DNAJC10: variants seen among roughly 807,000 people sequenced by gnomAD.
DNAJC10 encodes DnaJ heat shock protein family (Hsp40) member C10, also known as endoplasmic reticulum disulfide reductase DNAJC10.
In DNAJC10, 101 loss-of-function variants were observed where a neutral mutation model predicts 115.0. The ratio of observed to expected loss-of-function variants is 0.88; its 90% CI spans 0.75 to 1.04. DNAJC10 has a LOEUF of 1.04. Ranked by LOEUF, DNAJC10 falls within the 50% of genes least tolerant of loss-of-function variation. DNAJC10 has a pLI of 0.00. For synonymous variants in DNAJC10, 307 were observed against 301.5 expected (o/e 1.02, Z -0.19); for missense variants, 981 against 928.8 (o/e 1.06, Z -0.73).
chr2:182,751,287 C>T lies in DNAJC10; in HGVS notation c.1307-371C>T, dbSNP rs182076046. 7.2e-3 allele frequency among the ~76,000 whole-genome samples: 1,100 copies of T among 151,822 alleles called. 5 individuals carry two copies. The highest frequency in any genetic ancestry group is 0.032 in the South Asian group (153 of 4,804). ...GTAGCTGGGACTACACACGTGGCCA[C>T]CATGCCCAGCTAATTTTTTGTATTT... is the stretch of plus-strand genomic sequence containing the variant. On this transcript the variant is annotated intron_variant, in intron 14 of 23. Transcript: ENST00000264065.
Position 182,759,293 on chromosome 2 carries a change from G to C in DNAJC10, c.2131G>C (p.Glu711Gln). ...TTGCCAGAATTTTGCTCCAGAATTT[G>C]AGCTCTTGGCTAGGGTAAGTCATAC... Reference protein sequence around the residue: ...GPCQNFAPEFELLARMIKGKV... With the variant: ...GPCQNFAPEFQLLARMIKGKV... Residue 711 changes from glutamate to glutamine, a missense_variant, in exon 21 of 24, where the codon GAG becomes CAG. Physicochemically the swap from Glu to Gln is conservative, Grantham distance 29. Coordinates refer to ENST00000264065, the MANE Select transcript of DNAJC10 (RefSeq NM_018981.4). 1 of 1,609,946 alleles carries C rather than the reference G, an allele frequency of 6.2e-7. No individual in the cohort carries two copies. Among genetic ancestry groups the C allele is most frequent in the Non-Finnish European group, 8.5e-7 (1 of 1,179,086 alleles).
At chr2:182,718,929 A>G (rs552130202) in intron 3 of DNAJC10, among the ~76,000 whole-genome samples, 2 of 152,254 alleles carry the variant, frequency 1.3e-5, no homozygotes, top group East Asian at 3.9e-4. Flanking sequence ...ACAAGAAGAC[A>G]TAGTTATAAT....
intron 5 of DNAJC10, among the ~76,000 whole-genome samples, chr2:182,725,553 A>G (rs1435994461): frequency 6.6e-6 from 1 of 152,226 alleles, no homozygotes; most frequent in East Asian, 1.9e-4. Context: ...TGGTCTGGGT[A>G]GATCAAATTA....
intron 19 of DNAJC10, 61 bp from the exon 20 acceptor site, chr2:182,758,776 T>G: frequency 8.5e-7 from 1 of 1,179,628 alleles, no homozygotes; most frequent in Non-Finnish European, 1.3e-6. Context: ...ATAAGATTGT[T>G]TTCTGAATAC....
intron 11 of DNAJC10, among the ~76,000 whole-genome samples, chr2:182,738,693 G>A (rs185297154): frequency 1.4e-3 from 212 of 151,868 alleles, no homozygotes; most frequent in Non-Finnish European, 2.3e-3. Flanking sequence ...GGTGCACGCC[G>A]CCACACCCAG....
rs1417588841 is a variant in DNAJC10, at chr2:182,732,560, T to C, written c.849+18T>C. On this transcript the variant is annotated intron_variant, in intron 10 of 23. Coordinates refer to ENST00000264065, the MANE Select transcript of DNAJC10 (RefSeq NM_018981.4). ...GCATGTTGGTAAGCATCAATCATTT[T>C]GTAAAACTATATCACCATGTAAAGA... 6.2e-7 allele frequency: 1 copy of C among 1,610,924 alleles called. No individual in the cohort carries two copies. Among genetic ancestry groups the C allele is most frequent in the Admixed American group, 1.7e-5 (1 of 59,856 alleles).
At chr2:182,757,870 A>G in intron 19 of DNAJC10, 45 bp downstream of exon 19, 1 of 1,149,918 alleles carries the variant, frequency 8.7e-7, no homozygotes, top group African/African-American at 1.6e-5. Flanking sequence ...TAATTATTTA[A>G]TTATACACTT....
intron 7 of DNAJC10, among the ~76,000 whole-genome samples, 169 bp from the exon 8 acceptor site, chr2:182,729,678 TG>T (rs1448657889): frequency 6.6e-6 from 1 of 152,230 alleles, no homozygotes; most frequent in Non-Finnish European, 1.5e-5. Flanking sequence ...CCATAGAATC[TG>T]TACTGTCAAG....
intron 5 of DNAJC10, among the ~76,000 whole-genome samples, chr2:182,723,011 AGTTT>A (rs1182360998): frequency 1.3e-5 from 2 of 148,800 alleles, no homozygotes; most frequent in Non-Finnish European, 3.0e-5. Context: ...GATTTTATAC[AGTTT>A]GTTCCTTCTA....
intron 5 of DNAJC10, among the ~76,000 whole-genome samples, chr2:182,727,638 G>A (rs1218550667): frequency 9.9e-5 from 15 of 152,182 alleles, no homozygotes; most frequent in Admixed American, 9.8e-4. Flanking sequence ...GGTGAACACT[G>A]AGTCCTGCAC....
At position 182,787,981 on chromosome 2, in the gene DNAJC10, C is replaced by G. The variant is rs895933432; in HGVS notation, c.*10849C>G. On this transcript the variant is annotated 3_prime_UTR_variant, in exon 24 of 24. Transcript: ENST00000264065. ...GGTGTCTCTAAATTGAAGTAATGCT[C>G]ACATAGAAAAATTAAGGCATATTAT... 1.3e-5 allele frequency: 2 copies of G among 151,994 alleles called. No individual in the cohort carries two copies. Among genetic ancestry groups the G allele is most frequent in the Admixed American group, 1.3e-4 (2 of 15,252 alleles). The allele number at this position is 151,994 out of a possible 1,614,324, so 9.4% of individuals were successfully genotyped here.
In DNAJC10 at chr2:182,756,322, G is replaced by T; in HGVS notation, c.1662G>T (p.Met554Ile). 6.2e-7 allele frequency: 1 copy of T among 1,611,362 alleles called. No homozygotes were observed. Among genetic ancestry groups the T allele is most frequent in the East Asian group, 2.2e-5 (1 of 44,826 alleles). The change falls in exon 18 of 24, where the codon ATG (methionine) becomes ATT (isoleucine). Residue 554 changes from methionine to isoleucine, a missense_variant. Met to Ile is a conservative substitution (Grantham distance 10, BLOSUM62 1). Transcript: ENST00000264065. ...EQILEFIEDL[M>I]NPSVVSLTPT... The stretch of plus-strand genomic sequence containing the variant: ...AGCTATATTCTCTTCAGGATCTTAT[G>T]AATCCTTCAGTGGTCTCCCTTACAC...
chr2:182,757,231 T>C (rs538164284), intron 18 of DNAJC10, among the ~76,000 whole-genome samples: 3 of 152,178 alleles, frequency 2.0e-5, no homozygotes, highest in Non-Finnish European at 2.9e-5. Context: ...GATAAAACAC[T>C]AAATCTGAGT....
At chr2:182,724,761 A>G (rs544957439) in intron 5 of DNAJC10, among the ~76,000 whole-genome samples, 14 of 152,304 alleles carry the variant, frequency 9.2e-5, no homozygotes, top group Non-Finnish European at 1.6e-4. Flanking sequence ...AAATGTAATA[A>G]TTCTATTCTG....
chr2:182,785,782 T>A lies in DNAJC10; in HGVS notation c.*8650T>A, dbSNP rs1694935690. On this transcript the variant is annotated 3_prime_UTR_variant, in exon 24 of 24. Coordinates refer to ENST00000264065, the MANE Select transcript of DNAJC10 (RefSeq NM_018981.4). ...TTGTATACATTTATATATACATAGA[T>A]CTATAGAGACAGTAGGATATATTTC... The A allele has an allele frequency of 6.6e-6, 1 of 152,148 alleles. No individual in the cohort carries two copies. Among genetic ancestry groups the A allele is most frequent in the South Asian group, 2.1e-4 (1 of 4,830 alleles). The allele number at this position is 152,148 out of a possible 1,614,324, so 9.4% of individuals were successfully genotyped here.
At chr2:182,739,867 A>C (rs1288240526) in intron 11 of DNAJC10, 1 of 987,930 alleles carries the variant, frequency 1.0e-6, no homozygotes, top group Non-Finnish European at 1.2e-6. Context: ...ATAGTCTATT[A>C]TTCTTCCTTC....
Position 182,718,295 on chromosome 2 carries a change from G to C in DNAJC10, c.204+5G>C. 2 of 1,571,448 alleles carry C rather than the reference G, an allele frequency of 1.3e-6. No individual in the cohort carries two copies. The highest frequency in any genetic ancestry group is 1.7e-6 in the Non-Finnish European group (2 of 1,163,642). On this transcript the variant is annotated splice_donor_5th_base_variant and intron_variant, in intron 3 of 23. Coordinates refer to ENST00000264065, the MANE Select transcript of DNAJC10 (RefSeq NM_018981.4). ...TTACATCCTGATAAAAACCCGGTAG[G>C]TAAACGTTTGTTTTTAAAAATATTT...
chr2:182,785,801 A>G lies in DNAJC10; in HGVS notation c.*8669A>G, dbSNP rs1267040582. The G allele has an allele frequency of 1.3e-5, 2 of 152,206 alleles. No homozygotes were observed. Among genetic ancestry groups the G allele is most frequent in the Non-Finnish European group, 2.9e-5 (2 of 68,038 alleles). The allele number at this position is 152,206 out of a possible 1,614,324, so 9.4% of individuals were successfully genotyped here. ...CATAGATCTATAGAGACAGTAGGAT[A>G]TATTTCATATATATATGAAACAGTT... On this transcript the variant is annotated 3_prime_UTR_variant, in exon 24 of 24. Transcript: ENST00000264065.
In DNAJC10 at chr2:182,729,049, T is replaced by C. The variant is rs957410803; in HGVS notation, c.633+55T>C. ...TTGTGAAACATTATGACAAGTTAAA[T>C]AGTAGAGAAAATAACAGTATGTAGA... On this transcript the variant is annotated intron_variant, in intron 7 of 23. Coordinates refer to ENST00000264065, the MANE Select transcript of DNAJC10 (RefSeq NM_018981.4). 57 of 1,556,156 alleles carry C rather than the reference T, an allele frequency of 3.7e-5. 1 individual carries two copies. In the Middle Eastern group the frequency reaches 6.7e-4, roughly 18 times the overall value.
Sources: allele counts gnomAD v4.1 joint callset (sites outside exome capture counted in the v4.1 genomes callset), GRCh38; gene constraint gnomAD v4.1.1; transcripts MANE v1.5; gene names NCBI Gene and HGNC (gene_info 2026-07-23, HGNC 2026-07-21).